Variants in PCNT observed in about 807,000 individuals in gnomAD.
PCNT encodes the protein kendrin.
A neutral mutation model predicts 380.4 loss-of-function variants in PCNT; 319 were observed. The observed-to-expected ratio is 0.84, with a 90% CI of 0.77 to 0.92. The LOEUF (loss-of-function observed/expected upper bound fraction) is 0.92. Ranked by LOEUF, PCNT falls within the 40% of genes least tolerant of loss-of-function variation. The pLI is 0.00. For synonymous variants in PCNT, 1,845 were observed against 1,735.2 expected (o/e 1.06, Z -1.57); for missense variants, 4,400 against 4,255.3 (o/e 1.03, Z -0.95).
Position 46,351,184 on chromosome 21 carries a change from CAG to C in PCNT, c.1345-243_1345-242del, listed in dbSNP as rs1401787241. Among the ~76,000 whole-genome samples, 13 of 152,206 alleles carry C rather than the reference CAG, an allele frequency of 8.5e-5. 1 individual carries two copies. In the East Asian group the frequency reaches 1.7e-3, roughly 20 times the overall value. Reference sequence around the variant, plus strand: ...GGCCGTGCCACCTCCTCAGCTGAGACAGACCTGGAAGTTCCTGAGATTCTGAA... The same window carrying C: ...GGCCGTGCCACCTCCTCAGCTGAGACACCTGGAAGTTCCTGAGATTCTGAA... On this transcript the variant is annotated intron_variant, in intron 8 of 46. Transcript: ENST00000359568.
intron 44 of PCNT, 85 bp from the exon 45 acceptor site, chr21:46,443,725 G>C (rs776245817): frequency 4.5e-6 from 6 of 1,335,174 alleles, no homozygotes; most frequent in Middle Eastern, 2.0e-4. Flanking sequence ...AAGCTTATAC[G>C]TTTAAACTGT....
intron 7 of PCNT, 129 bp downstream of exon 7, chr21:46,349,315 T>TG: frequency 1.2e-6 from 1 of 839,192 alleles, no homozygotes; most frequent in South Asian, 1.4e-5. Context: ...GATGGCCCCA[T>TG]GCACGTGTGA....
intron 44 of PCNT, 134 bp from the exon 45 acceptor site, chr21:46,443,676 A>T: frequency 1.2e-6 from 1 of 852,560 alleles, no homozygotes; most frequent in African/African-American, 1.7e-5. Flanking sequence ...TACCTTGAGC[A>T]CTTTAAAAAT....
Position 46,398,094 on chromosome 21 carries a change from G to GGCCAAGCC in PCNT, c.4530_4537dup (p.Gln1513ProfsTer27). On this transcript the variant is annotated frameshift_variant, in exon 23 of 47. Coordinates refer to ENST00000359568, the MANE Select transcript of PCNT (RefSeq NM_006031.6). LOFTEE classifies it high-confidence loss of function. ...GGCTGGAGGGGCAGCTCCGCCAGGC[G>GGCCAAGCC]GCCAAGCCGCAGCCCTGGGGCCCTC... is the stretch of plus-strand genomic sequence containing the variant. 1 of 1,599,440 alleles carries GGCCAAGCC rather than the reference G, an allele frequency of 6.3e-7. No individual in the cohort carries two copies. Among genetic ancestry groups the GGCCAAGCC allele is most frequent in the Non-Finnish European group, 8.5e-7 (1 of 1,174,250 alleles).
chr21:46,341,231 C>G (rs937222014), intron 3 of PCNT, among the ~76,000 whole-genome samples: 1 of 152,090 alleles, frequency 6.6e-6, no homozygotes, highest in Non-Finnish European at 1.5e-5. Context: ...ATTTGGATCA[C>G]TATTATTTTG....
rs762237896 is a variant in PCNT, at chr21:46,432,090, G to C, written c.8626G>C (p.Glu2876Gln). The C allele has an allele frequency of 8.7e-6, 14 of 1,614,014 alleles. No individual in the cohort carries two copies. Among genetic ancestry groups the C allele is most frequent in the African/African-American group, 4.0e-5 (3 of 74,944 alleles). ...ACCAGCGTGGTTGCAGGCAGAATTAGAGCAGTCACACCCACGGTTGAAAGA... is the reference window on the plus strand; with the variant it reads ...ACCAGCGTGGTTGCAGGCAGAATTACAGCAGTCACACCCACGGTTGAAAGA... ...EKPAWLQAELEQSHPRLKEQE... is the reference protein window; with the variant it reads ...EKPAWLQAELQQSHPRLKEQE... The change falls in exon 38 of 47, where the codon GAG becomes CAG. Residue 2876 changes from glutamate (E) to glutamine (Q), a missense_variant. Transcript: ENST00000359568.
chr21:46,440,741 T>C, intron 42 of PCNT, 114 bp from the exon 43 acceptor site: 1 of 753,572 alleles, frequency 1.3e-6, no homozygotes, highest in African/African-American at 1.7e-5. Flanking sequence ...CTGTGATGAT[T>C]TGATGGGAAA....
intron 15 of PCNT, among the ~76,000 whole-genome samples, chr21:46,378,307 G>C (rs1412842845): frequency 6.6e-6 from 1 of 152,152 alleles, no homozygotes; most frequent in Non-Finnish European, 1.5e-5. Flanking sequence ...TGGCATATCT[G>C]AATTGCTCCG....
chr21:46,398,528 G>A (rs1269191329), intron 24 of PCNT, among the ~76,000 whole-genome samples: 1 of 152,268 alleles, frequency 6.6e-6, no homozygotes, highest in Non-Finnish European at 1.5e-5. Context: ...GGAATGCAGT[G>A]TCACAGCCAG....
intron 15 of PCNT, among the ~76,000 whole-genome samples, chr21:46,371,799 GCA>G (rs2085137168): frequency 6.6e-6 from 1 of 151,400 alleles, no homozygotes; most frequent in Non-Finnish European, 1.5e-5. Context: ...CAGCACATGT[GCA>G]CACACAGCAC....
At chr21:46,407,622 C>G (rs550058186) in intron 27 of PCNT, among the ~76,000 whole-genome samples, 9 of 152,286 alleles carry the variant, frequency 5.9e-5, no homozygotes, top group African/African-American at 2.2e-4. Flanking sequence ...GGATTACAGG[C>G]GTGAGCCACC....
At chr21:46,410,919 A>C (rs545367220) in intron 27 of PCNT, among the ~76,000 whole-genome samples, 1 of 152,360 alleles carries the variant, frequency 6.6e-6, no homozygotes, top group East Asian at 1.9e-4. Flanking sequence ...TGAAAGCATC[A>C]TTCTGTAGAT....
intron 12 of PCNT, among the ~76,000 whole-genome samples, chr21:46,356,607 C>G (rs1042002039): frequency 1.3e-5 from 2 of 152,254 alleles, no homozygotes; most frequent in African/African-American, 4.8e-5. Context: ...CTCATAGACC[C>G]TGGGTGACAC....
intron 39 of PCNT, among the ~76,000 whole-genome samples, chr21:46,436,420 C>T (rs1267651101): frequency 5.6e-5 from 8 of 141,974 alleles, no homozygotes; most frequent in African/African-American, 2.1e-4. Context: ...TCTCTTTACA[C>T]TCTGTGTAGT....
intron 16 of PCNT, among the ~76,000 whole-genome samples, 199 bp downstream of exon 16, chr21:46,382,039 A>G (rs1438330988): frequency 1.5e-5 from 2 of 131,140 alleles, no homozygotes; most frequent in South Asian, 5.3e-4. Flanking sequence ...TTGTGCATTC[A>G]ATGGCGGAAG....
chr21:46,359,790 T>A (rs926498913), intron 13 of PCNT, among the ~76,000 whole-genome samples: 1 of 151,986 alleles, frequency 6.6e-6, no homozygotes, highest in African/African-American at 2.4e-5. Flanking sequence ...CCCAGCCTCG[T>A]CTTTTATCAA....
At chr21:46,376,185 G>A (rs549910701) in intron 15 of PCNT, among the ~76,000 whole-genome samples, 5 of 152,192 alleles carry the variant, frequency 3.3e-5, no homozygotes, top group Non-Finnish European at 7.3e-5. Context: ...AGTTTGGGAC[G>A]CCTGGAGCTT....
chr21:46,410,870 A>G (rs2147660799), intron 27 of PCNT, among the ~76,000 whole-genome samples: 1 of 152,350 alleles, frequency 6.6e-6, no homozygotes, highest in South Asian at 2.1e-4. Context: ...AACAAATCAA[A>G]GTTGTTTAAA....
chr21:46,383,062 G>A (rs1245686907), intron 16 of PCNT, among the ~76,000 whole-genome samples: 4 of 144,356 alleles, frequency 2.8e-5, no homozygotes, highest in East Asian at 2.1e-4. Flanking sequence ...CAGCGGAAGC[G>A]CATTCACAGT....
Sources: allele counts gnomAD v4.1 joint callset (sites outside exome capture counted in the v4.1 genomes callset), GRCh38; gene constraint gnomAD v4.1.1; transcripts MANE v1.5; gene names NCBI Gene and HGNC (gene_info 2026-07-23, HGNC 2026-07-21).